Variants in CASD1 observed in about 807,000 individuals in gnomAD.
CASD1 encodes N-acetylneuraminate (7)9-O-acetyltransferase.
Under a neutral mutation model 100.0 loss-of-function variants are expected in CASD1, and 41 were observed. The ratio of observed to expected loss-of-function variants is 0.41; its 90% CI spans 0.32 to 0.53. The LOEUF (loss-of-function observed/expected upper bound fraction) is 0.53. Among genes scored for constraint, CASD1 ranks in the 20% least tolerant of loss-of-function variants. CASD1 has a pLI of 0.25. For synonymous variants in CASD1, 321 were observed against 315.6 expected (o/e 1.02, Z -0.18); for missense variants, 774 against 948.7 (o/e 0.82, Z 2.42).
At chr7:94,518,059 TAAAC>T (rs1794066366) in intron 2 of CASD1, 140 bp from the exon 3 acceptor site, 2 of 731,098 alleles carry the variant, frequency 2.7e-6, no homozygotes, top group Non-Finnish European at 4.3e-6. Flanking sequence ...AGTGGTAAGT[TAAAC>T]AAACCTGGCC....
At chr7:94,584,639 G>C in the CASD1 span, among the ~76,000 whole-genome samples, 1 of 152,188 alleles carries the variant, frequency 6.6e-6, no homozygotes, top group Non-Finnish European at 1.5e-5. Flanking sequence ...ATTAAGAGAA[G>C]GTTTTCCAGC....
At chr7:94,535,164 G>C in intron 7 of CASD1, 145 bp from the exon 8 acceptor site, 1 of 601,380 alleles carries the variant, frequency 1.7e-6, no homozygotes, top group Non-Finnish European at 2.9e-6. Context: ...GGGAAGCTTT[G>C]CGTAAAAATG....
At chr7:94,553,205 A>G (rs887907413) in intron 16 of CASD1, 3 of 403,424 alleles carry the variant, frequency 7.4e-6, no homozygotes, top group South Asian at 4.0e-5. Flanking sequence ...ATGACTCACA[A>G]CCTGTGCTAT....
At chr7:94,620,696 G>A in the CASD1 span, 4 of 152,060 alleles carry the variant, frequency 2.6e-5, no homozygotes, top group African/African-American at 7.2e-5. Context: ...TTTTTCTTAT[G>A]ATCAGTGCTA....
At chr7:94,593,899 C>G in the CASD1 span, among the ~76,000 whole-genome samples, 2 of 152,024 alleles carry the variant, frequency 1.3e-5, no homozygotes, top group East Asian at 3.9e-4. Flanking sequence ...ATTATTAAGC[C>G]AGGAATTCTC....
chr7:94,633,612 G>A, the CASD1 span, among the ~76,000 whole-genome samples: 178 of 152,026 alleles, frequency 1.2e-3, no homozygotes, highest in Admixed American at 2.1e-3. Flanking sequence ...AACAGACCAC[G>A]AAAGCAGTAG....
At chr7:94,569,063 G>A in the CASD1 span, among the ~76,000 whole-genome samples, 3 of 152,198 alleles carry the variant, frequency 2.0e-5, no homozygotes, top group African/African-American at 7.2e-5. Flanking sequence ...TAAGATACAA[G>A]TTGATAAGAC....
chr7:94,520,395 A>G, intron 3 of CASD1, among the ~76,000 whole-genome samples: 1 of 152,178 alleles, frequency 6.6e-6, no homozygotes, highest in East Asian at 1.9e-4. Context: ...TATTGAGTCA[A>G]ATTTTTTTAA....
chr7:94,583,881 A>C, the CASD1 span, among the ~76,000 whole-genome samples: 1 of 152,070 alleles, frequency 6.6e-6, no homozygotes, highest in Non-Finnish European at 1.5e-5. Context: ...AAACAAAAAA[A>C]CCCTTAATAG....
the CASD1 span, among the ~76,000 whole-genome samples, chr7:94,605,132 G>A: frequency 2.0e-5 from 3 of 151,776 alleles, no homozygotes; most frequent in Admixed American, 6.6e-5. Flanking sequence ...ACAGCAAAAA[G>A]CACAGTTTGA....
At chr7:94,528,149 T>G (rs752752993) in intron 4 of CASD1, 39 bp from the exon 5 acceptor site, 1 of 1,365,898 alleles carries the variant, frequency 7.3e-7, no homozygotes, top group South Asian at 1.2e-5. Context: ...ATTAAGAGTT[T>G]CTTCAACTTT....
chr7:94,576,833 G>T, the CASD1 span, among the ~76,000 whole-genome samples: 1 of 152,168 alleles, frequency 6.6e-6, no homozygotes, highest in Non-Finnish European at 1.5e-5. Context: ...TCCTTTTGCT[G>T]TAATAAACTG....
rs1796172700 is a variant in CASD1 at position 94,555,750 on chromosome 7, A to G, written c.2386A>G (p.Lys796Glu). 1 of 1,610,676 alleles carries G rather than the reference A, an allele frequency of 6.2e-7. No individual in the cohort carries two copies. The highest frequency in any genetic ancestry group is 8.5e-7 in the Non-Finnish European group (1 of 1,178,656). Residue 796 changes from lysine to glutamate, a missense_variant, in exon 18 of 18, where the codon AAA becomes GAA. This residue lies in a region of CASD1 where 175 missense variants were observed against 206.9 expected (regional missense o/e 0.85). Coordinates refer to ENST00000297273, the MANE Select transcript of CASD1 (RefSeq NM_022900.5). The part of the protein sequence containing the change: ...LILSSIQDKS[K>E]H The stretch of plus-strand genomic sequence containing the variant: ...CTTATCATCCATTCAAGATAAATCA[A>G]AACATTAGGTTCCAAAAATTCTAAA...
chr7:94,601,466 A>AAAC, the CASD1 span, among the ~76,000 whole-genome samples: 1 of 118,412 alleles, frequency 8.4e-6, no homozygotes, highest in East Asian at 2.3e-4. Context: ...AAAAAAAAAA[A>AAAC]AAAAAAAAAA....
the CASD1 span, among the ~76,000 whole-genome samples, chr7:94,614,288 T>C: frequency 1.7e-4 from 26 of 152,236 alleles, no homozygotes; most frequent in East Asian, 5.0e-3. Context: ...ATGGATGCTA[T>C]TGGGTCCCCT....
At position 94,533,231 on chromosome 7, in the gene CASD1, T is replaced by C; in HGVS notation, c.486T>C (p.Ile162=). ...ATTCCATTGCAAAGCCACATGTGAT[T>C]GTAGCAGGAGCTGCCACAGTAAGTT... ...TEDSIAKPHV[I]VAGAATWSIK... The change falls in exon 6 of 18, where the codon ATT becomes ATC. Residue 162 remains isoleucine (I), a synonymous_variant. Coordinates refer to ENST00000297273, the MANE Select transcript of CASD1 (RefSeq NM_022900.5). 6.2e-7 allele frequency: 1 copy of C among 1,610,674 alleles called. No individual in the cohort carries two copies. Among genetic ancestry groups the C allele is most frequent in the Non-Finnish European group, 8.5e-7 (1 of 1,177,772 alleles).
chr7:94,568,950 A>G, the CASD1 span, among the ~76,000 whole-genome samples: 1 of 152,172 alleles, frequency 6.6e-6, no homozygotes, highest in Non-Finnish European at 1.5e-5. Flanking sequence ...TAAACTACCC[A>G]GTCTCTGGTA....
intron 1 of CASD1, among the ~76,000 whole-genome samples, chr7:94,517,056 A>C (rs1794013204): frequency 1.3e-5 from 2 of 152,054 alleles, no homozygotes; most frequent in Admixed American, 1.3e-4. Context: ...GATGTGTGCC[A>C]CCACATCCAG....
At chr7:94,588,656 C>T in the CASD1 span, 1 of 1,574,068 alleles carries the variant, frequency 6.4e-7, no homozygotes. Context: ...TAGATTCATT[C>T]ATAAACATTA....
Sources: gnomAD v4.1 joint callset for allele counts (sites outside exome capture counted in the v4.1 genomes callset) on GRCh38, gnomAD v4.1.1 for gene constraint, gnomAD v4.1.1 regional missense constraint, MANE v1.5 for transcripts, NCBI Gene and HGNC (gene_info 2026-07-23, HGNC 2026-07-21) for gene names.